NCKAP5: variants seen among roughly 807,000 people sequenced by gnomAD.
The protein encoded by NCKAP5 is nck-associated protein 5.
In NCKAP5, 92 loss-of-function variants were observed where a neutral mutation model predicts 167.0. The observed-to-expected ratio is 0.55, with a 90% confidence interval of 0.47 to 0.66. The LOEUF is 0.66. Ranked by LOEUF, NCKAP5 falls within the 30% of genes least tolerant of loss-of-function variation. The pLI is 0.00. For synonymous variants in NCKAP5, 891 were observed against 877.4 expected (o/e 1.02, Z -0.27); for missense variants, 2,378 against 2,315.0 (o/e 1.03, Z -0.56).
chr2:133,210,854 T>C (rs560900047), intron 5 of NCKAP5, among the ~76,000 whole-genome samples: 3 of 152,220 alleles, frequency 2.0e-5, no homozygotes, highest in East Asian at 3.9e-4. Flanking sequence ...AGGGAGATGA[T>C]AAGAATAAAT....
chr2:132,962,431 C>A (rs925892230), intron 8 of NCKAP5, among the ~76,000 whole-genome samples: 1 of 152,096 alleles, frequency 6.6e-6, no homozygotes. Flanking sequence ...AATCAAACCC[C>A]AAGAATTGAG....
At chr2:133,660,283 AT>A in the NCKAP5 span, among the ~76,000 whole-genome samples, 2 of 151,766 alleles carry the variant, frequency 1.3e-5, no homozygotes, top group Non-Finnish European at 2.9e-5. Flanking sequence ...GCCACTCACT[AT>A]TTTTTTTCCT....
intron 19 of NCKAP5, among the ~76,000 whole-genome samples, chr2:132,687,343 C>T (rs989751134): frequency 2.0e-5 from 3 of 152,042 alleles, no homozygotes; most frequent in South Asian, 2.1e-4. Context: ...CAATTGTTCA[C>T]GCACCAGATC....
At chr2:132,928,077 T>C (rs1241844860) in intron 8 of NCKAP5, among the ~76,000 whole-genome samples, 1 of 152,164 alleles carries the variant, frequency 6.6e-6, no homozygotes, top group Non-Finnish European at 1.5e-5. Context: ...CTTTTGAATA[T>C]AGTAGGAAAT....
In NCKAP5 at chr2:132,728,933, C is replaced by T. The variant is rs1324064152; in HGVS notation, c.5463G>A (p.Lys1821=). The T allele has an allele frequency of 1.2e-6, 2 of 1,613,956 alleles. No homozygotes were observed. Among genetic ancestry groups the T allele is most frequent in the South Asian group, 1.1e-5 (1 of 91,078 alleles). ...PASSGKVSSQ[K]QNEAEPRPQT... is the part of the protein sequence containing the mutation. ...GAGGCCTTGGCTCTGCTTCATTCTG[C>T]TTTTGGGAACTGACTTTTCCTAAAT... Residue 1821 remains lysine (K), a synonymous_variant, in exon 18 of 20, where the codon AAG becomes AAA. Coordinates refer to ENST00000409261, the MANE Select transcript of NCKAP5 (RefSeq NM_207363.3).
chr2:133,031,381 G>T (rs899892103), intron 6 of NCKAP5, among the ~76,000 whole-genome samples: 2 of 152,126 alleles, frequency 1.3e-5, no homozygotes, highest in Non-Finnish European at 2.9e-5. Context: ...CTCAGCTGCT[G>T]CCCACTCTGA....
intron 3 of NCKAP5, among the ~76,000 whole-genome samples, chr2:133,480,574 A>G (rs1051092408): frequency 6.6e-6 from 1 of 152,208 alleles, no homozygotes; most frequent in African/African-American, 2.4e-5. Flanking sequence ...TTTACTCTAC[A>G]GAAGCAACAC....
chr2:133,449,046 C>T (rs941610539), intron 3 of NCKAP5, among the ~76,000 whole-genome samples: 1 of 152,146 alleles, frequency 6.6e-6, no homozygotes, highest in African/African-American at 2.4e-5. Flanking sequence ...ATTTAATTAT[C>T]CTTGCACTTC....
chr2:132,940,038 G>A (rs1318791025), intron 8 of NCKAP5, among the ~76,000 whole-genome samples: 7 of 151,996 alleles, frequency 4.6e-5, no homozygotes, highest in South Asian at 4.1e-4. Context: ...TCCCTCACCC[G>A]CATCCCAACC....
intron 1 of NCKAP5, among the ~76,000 whole-genome samples, chr2:133,560,735 C>T (rs1484852367): frequency 6.6e-6 from 1 of 152,188 alleles, no homozygotes; most frequent in Non-Finnish European, 1.5e-5. Context: ...TCTAGCTTCT[C>T]TTTGCTGTGT....
chr2:133,378,615 C>T (rs1269181456), intron 3 of NCKAP5, among the ~76,000 whole-genome samples: 1 of 152,174 alleles, frequency 6.6e-6, no homozygotes, highest in African/African-American at 2.4e-5. Flanking sequence ...AGTCTGGGAG[C>T]ATCCCACAGC....
chr2:133,270,289 A>G (rs1370734932), intron 4 of NCKAP5, among the ~76,000 whole-genome samples: 1 of 152,206 alleles, frequency 6.6e-6, no homozygotes, highest in Non-Finnish European at 1.5e-5. Context: ...GGTGAATTTT[A>G]TTGTACGTAA....
At chr2:133,244,611 A>T (rs2087882917) in intron 4 of NCKAP5, among the ~76,000 whole-genome samples, 1 of 151,624 alleles carries the variant, frequency 6.6e-6, no homozygotes, top group Non-Finnish European at 1.5e-5. Flanking sequence ...ACATATAAAT[A>T]TATATTTAAA....
intron 4 of NCKAP5, among the ~76,000 whole-genome samples, chr2:133,250,511 G>A (rs2088257963): frequency 6.6e-6 from 1 of 152,152 alleles, no homozygotes; most frequent in East Asian, 1.9e-4. Flanking sequence ...CCATGTGGAG[G>A]GCCAGCCGAG....
intron 8 of NCKAP5, among the ~76,000 whole-genome samples, chr2:132,895,343 T>C (rs1030750375): frequency 9.0e-6 from 1 of 111,452 alleles, no homozygotes; most frequent in African/African-American, 5.1e-5. Context: ...TGAGACTCTG[T>C]CTCAAAAAAA....
chr2:133,494,262 C>T (rs1302905731), intron 3 of NCKAP5, among the ~76,000 whole-genome samples: 1 of 152,196 alleles, frequency 6.6e-6, no homozygotes, highest in Non-Finnish European at 1.5e-5. Flanking sequence ...AACAACACTG[C>T]TATCAAGGCC....
At chr2:133,221,210 T>G (rs1481665712) in intron 4 of NCKAP5, among the ~76,000 whole-genome samples, 1 of 152,156 alleles carries the variant, frequency 6.6e-6, no homozygotes, top group African/African-American at 2.4e-5. Context: ...AGGAAAAATT[T>G]TCTTGGGCAT....
the NCKAP5 span, among the ~76,000 whole-genome samples, chr2:133,665,731 C>T: frequency 4.0e-3 from 609 of 152,244 alleles, 7 homozygotes; most frequent in African/African-American, 0.014. Context: ...ATATCCGCGA[C>T]GTGCGATAAA....
At chr2:133,373,465 T>C (rs1047971382) in intron 3 of NCKAP5, among the ~76,000 whole-genome samples, 6 of 152,192 alleles carry the variant, frequency 3.9e-5, no homozygotes, top group Non-Finnish European at 8.8e-5. Context: ...AAAGACTGAG[T>C]ATTGTCAAAA....
Sources: gnomAD v4.1 joint callset for allele counts (sites outside exome capture counted in the v4.1 genomes callset) on GRCh38, gnomAD v4.1.1 for gene constraint, MANE v1.5 for transcripts, NCBI Gene and HGNC (gene_info 2026-07-23, HGNC 2026-07-21) for gene names.